The following CHRM3 variants were observed in gnomAD, a reference collection of about 807,000 sequenced individuals.
CHRM3 encodes the protein muscarinic acetylcholine receptor M3.
A neutral mutation model predicts 41.8 loss-of-function variants in CHRM3; 11 were observed. That is an observed-to-expected ratio of 0.26 (90% CI 0.17 to 0.44). CHRM3 has a LOEUF of 0.44. Ranked by LOEUF, CHRM3 falls within the 20% of genes least tolerant of loss-of-function variation. CHRM3 has a pLI of 1.00. For missense variants in CHRM3, 571 were observed against 745.4 expected (o/e 0.77, Z 2.72); for synonymous variants, 297 against 301.4 (o/e 0.99, Z 0.15).
intron 5 of CHRM3, among the ~76,000 whole-genome samples, chr1:239,783,788 G>A (rs1055423669): frequency 3.9e-5 from 6 of 152,052 alleles, no homozygotes; most frequent in African/African-American, 1.4e-4. Context: ...TGAGGTTTGG[G>A]GTACAAATAA....
intron 4 of CHRM3, among the ~76,000 whole-genome samples, chr1:239,655,870 T>G (rs905890544): frequency 9.9e-5 from 15 of 152,114 alleles, no homozygotes; most frequent in Admixed American, 3.3e-4. Flanking sequence ...CATAAAAATG[T>G]TGGTGTTGGC....
intron 5 of CHRM3, among the ~76,000 whole-genome samples, chr1:239,768,436 A>G (rs1667393564): frequency 6.6e-6 from 1 of 152,142 alleles, no homozygotes; most frequent in African/African-American, 2.4e-5. Flanking sequence ...TGAAAATGTG[A>G]TACAAAAATG....
intron 6 of CHRM3, among the ~76,000 whole-genome samples, chr1:239,864,804 T>G (rs1372799395): frequency 6.6e-6 from 1 of 152,104 alleles, no homozygotes; most frequent in African/African-American, 2.4e-5. Context: ...TAAATTAAAC[T>G]ATTTTGAGAT....
intron 2 of CHRM3, among the ~76,000 whole-genome samples, chr1:239,505,665 A>T (rs1242102986): frequency 6.6e-6 from 1 of 152,220 alleles, no homozygotes; most frequent in Admixed American, 6.5e-5. Flanking sequence ...GTAAATTGGT[A>T]CCAGTAGAGT....
At chr1:239,460,220 A>G (rs1665251941) in intron 1 of CHRM3, among the ~76,000 whole-genome samples, 1 of 152,168 alleles carries the variant, frequency 6.6e-6, no homozygotes, top group Non-Finnish European at 1.5e-5. Context: ...GGAAGAATGG[A>G]AAGGCCAAAC....
At chr1:239,564,871 C>T (rs946558657) in intron 3 of CHRM3, among the ~76,000 whole-genome samples, 1 of 152,080 alleles carries the variant, frequency 6.6e-6, no homozygotes, top group African/African-American at 2.4e-5. Context: ...AACAAAAGAC[C>T]ACAAACTTGG....
chr1:239,446,145 C>G (rs1664127603), intron 1 of CHRM3, among the ~76,000 whole-genome samples: 1 of 152,108 alleles, frequency 6.6e-6, no homozygotes, highest in Non-Finnish European at 1.5e-5. Flanking sequence ...CCATGTTGGC[C>G]AGGATGGTCT....
In CHRM3 at chr1:239,633,468, G is replaced by A. The variant is rs141100883; in HGVS notation, c.-250+1182G>A. Among the ~76,000 whole-genome samples the A allele has an allele frequency of 2.3e-3, 352 of 152,190 alleles. 3 individuals are homozygous for A. The highest frequency in any genetic ancestry group is 8.2e-3 in the African/African-American group (342 of 41,492). ...TTACGGTTCGAGATGATATTTGGGT[G>A]GGGACACAGAGCCAAACCTTATCAC... On this transcript the variant is annotated intron_variant, in intron 4 of 6. Transcript: ENST00000676153.
At chr1:239,401,734 C>G (rs1659995745) in intron 1 of CHRM3, among the ~76,000 whole-genome samples, 1 of 152,118 alleles carries the variant, frequency 6.6e-6, no homozygotes, top group Non-Finnish European at 1.5e-5. Flanking sequence ...CTCAGGCGAT[C>G]CACCCTCCTT....
intron 4 of CHRM3, among the ~76,000 whole-genome samples, chr1:239,674,669 C>T (rs1041483505): frequency 7.0e-6 from 1 of 142,128 alleles, no homozygotes; most frequent in Non-Finnish European, 1.5e-5. Flanking sequence ...AAGATTGCGC[C>T]ACTGCACTCC....
chr1:239,679,881 C>T (rs1658388453), intron 5 of CHRM3, among the ~76,000 whole-genome samples: 1 of 152,106 alleles, frequency 6.6e-6, no homozygotes, highest in African/African-American at 2.4e-5. Context: ...TCTAACCCAT[C>T]CAGTCCTTCA....
At position 239,503,099 on chromosome 1, in the gene CHRM3, T is replaced by C. The variant is rs557808691; in HGVS notation, c.-422+10292T>C. 2.0e-5 allele frequency among the ~76,000 whole-genome samples: 3 copies of C among 152,194 alleles called. No individual in the cohort carries two copies. The South Asian group carries it at 6.2e-4, about 32-fold the overall frequency. On this transcript the variant is annotated intron_variant, in intron 2 of 6. Transcript: ENST00000676153. The stretch of plus-strand genomic sequence containing the variant: ...AGAAAGAAATAAAGGGCATCCAAAA[T>C]GGTAAAGAGGAAGTCAAACTGTCAC...
rs1341949650 is a variant in CHRM3, at chr1:239,586,122, C to T, written c.-313+40373C>T. Among the ~76,000 whole-genome samples the T allele has an allele frequency of 2.0e-5, 3 of 152,192 alleles. No homozygotes were observed. The East Asian group carries it at 5.8e-4, about 29-fold the overall frequency. On this transcript the variant is annotated intron_variant, in intron 3 of 6. Transcript: ENST00000676153. The stretch of plus-strand genomic sequence containing the variant: ...TGCCCTCCCGTGGGAGGCAGACAGG[C>T]CCAGTAACCTCTGACATCTGTGAAT...
At chr1:239,407,663 C>T (rs1660720402) in intron 1 of CHRM3, among the ~76,000 whole-genome samples, 1 of 152,042 alleles carries the variant, frequency 6.6e-6, no homozygotes, top group South Asian at 2.1e-4. Context: ...TAGCGTGGTA[C>T]ACCTGAAGAA....
At chr1:239,906,324 A>C (rs972660951) in intron 6 of CHRM3, among the ~76,000 whole-genome samples, 2 of 152,222 alleles carry the variant, frequency 1.3e-5, no homozygotes, top group African/African-American at 2.4e-5. Flanking sequence ...TTTTTTAACC[A>C]AGAGCATAAA....
At chr1:239,891,418 A>C (rs138497238) in intron 6 of CHRM3, among the ~76,000 whole-genome samples, 2 of 152,022 alleles carry the variant, frequency 1.3e-5, no homozygotes, top group Admixed American at 6.6e-5. Flanking sequence ...GACGAGGTTC[A>C]TGAGTTTGGA....
At chr1:239,632,510 T>A (rs1210522476) in intron 4 of CHRM3, among the ~76,000 whole-genome samples, 1 of 152,228 alleles carries the variant, frequency 6.6e-6, no homozygotes, top group Non-Finnish European at 1.5e-5. Flanking sequence ...TGATTGAGAT[T>A]TGAAATAAGT....
At chr1:239,476,463 CAAAAAAAA>C (rs71567246) in intron 1 of CHRM3, among the ~76,000 whole-genome samples, 1 of 117,704 alleles carries the variant, frequency 8.5e-6, no homozygotes, top group African/African-American at 3.5e-5. Context: ...AGACTCCATC[CAAAAAAAA>C]AAAAAAAAAA....
intron 4 of CHRM3, among the ~76,000 whole-genome samples, chr1:239,659,367 A>G (rs1227081021): frequency 1.3e-5 from 2 of 152,088 alleles, no homozygotes; most frequent in African/African-American, 4.8e-5. Context: ...ATGGATTTAT[A>G]TGGGTAAACT....
Sources: allele counts gnomAD v4.1 joint callset (sites outside exome capture counted in the v4.1 genomes callset), GRCh38; gene constraint gnomAD v4.1.1; transcripts MANE v1.5; gene names NCBI Gene and HGNC (gene_info 2026-07-23, HGNC 2026-07-21).